The following GPC6 variants were observed in gnomAD, a reference collection of about 807,000 sequenced individuals.
The protein encoded by GPC6 is glypican-6.
In GPC6, 14 loss-of-function variants were observed where a neutral mutation model predicts 55.2. That is an observed-to-expected ratio of 0.25 (90% CI 0.17 to 0.40). The LOEUF (loss-of-function observed/expected upper bound fraction) is 0.40, where lower values mean the gene tolerates loss of function less well. Among genes scored for constraint, GPC6 ranks in the 10% least tolerant of loss-of-function variants. The probability of loss-of-function intolerance (pLI) is 1.00; values close to 1 mark genes in which losing one functional copy is unlikely to be tolerated. For synonymous variants in GPC6, 278 were observed against 259.6 expected (o/e 1.07, Z -0.68); for missense variants, 641 against 708.5 (o/e 0.90, Z 1.08).
intron 6 of GPC6, among the ~76,000 whole-genome samples, chr13:94,324,716 T>TA (rs397703134): frequency 1.4e-4 from 22 of 151,784 alleles, no homozygotes; most frequent in South Asian, 1.0e-3. Flanking sequence ...TTTTTTTTTT[T>TA]AATTTCTGTT....
At chr13:93,439,604 G>A (rs1191635345) in intron 1 of GPC6, among the ~76,000 whole-genome samples, 3 of 151,680 alleles carry the variant, frequency 2.0e-5, no homozygotes, top group African/African-American at 7.3e-5. Flanking sequence ...GGACATTGCA[G>A]TGAGCCAAGA....
rs1487838080 is a variant in GPC6 at position 93,844,745 on chromosome 13, C to T, written c.711+14200C>T. 6.9e-5 allele frequency among the ~76,000 whole-genome samples: 10 copies of T among 145,212 alleles called. No individual in the cohort carries two copies. The Admixed American group carries it at 7.0e-4, about 10-fold the overall frequency. On this transcript the variant is annotated intron_variant, in intron 3 of 8. Transcript: ENST00000377047. ...ACGCCTATGTCCTGAATGGTAATGC[C>T]TAGGTTTTCTTCTAGGGTTTTTATG...
At chr13:93,676,126 AATATATATATATATATATATATATAT>A (rs764101821) in intron 2 of GPC6, among the ~76,000 whole-genome samples, 3 of 15,690 alleles carry the variant, frequency 1.9e-4, no homozygotes, top group Non-Finnish European at 6.4e-4. Context: ...AAAAAAAAAA[AATATATATATATATATATATATATAT>A]ATATATATAT....
intron 2 of GPC6, among the ~76,000 whole-genome samples, chr13:93,794,091 A>G (rs1000184778): frequency 3.3e-5 from 5 of 152,234 alleles, no homozygotes; most frequent in Non-Finnish European, 7.3e-5. Context: ...GCCCAAGACT[A>G]TCAAAAGCTC....
intron 4 of GPC6, among the ~76,000 whole-genome samples, chr13:94,202,598 G>A (rs1029674484): frequency 2.6e-5 from 4 of 152,300 alleles, no homozygotes; most frequent in South Asian, 4.1e-4. Context: ...AACATGTGGC[G>A]ATTATGGGAG....
chr13:94,399,716 CA>C (rs1313070003), intron 8 of GPC6, among the ~76,000 whole-genome samples: 4 of 152,096 alleles, frequency 2.6e-5, no homozygotes, highest in Admixed American at 2.6e-4. Flanking sequence ...TTAAAGAACT[CA>C]AAAAAATGAT....
At chr13:94,122,036 T>C (rs1348099920) in intron 4 of GPC6, among the ~76,000 whole-genome samples, 3 of 152,120 alleles carry the variant, frequency 2.0e-5, no homozygotes, top group Non-Finnish European at 1.5e-5. Context: ...TGGTCTAGTT[T>C]ATGGGGCACC....
In GPC6 at chr13:93,390,025, A is replaced by ATT. The variant is rs201108216; in HGVS notation, c.161-155227_161-155226dup. ...TAACATTATGGAAAGAGAGACAGGC[A>ATT]TTTTTTTTTTTTCTCCACCAGAAGC... On this transcript the variant is annotated intron_variant, in intron 1 of 8. Coordinates refer to ENST00000377047, the MANE Select transcript of GPC6 (RefSeq NM_005708.5). Among the ~76,000 whole-genome samples the ATT allele has an allele frequency of 3.2e-4, 46 of 145,854 alleles. 1 individual carries two copies. Among genetic ancestry groups the ATT allele is most frequent in the East Asian group, 2.4e-3 (12 of 5,006 alleles).
intron 3 of GPC6, among the ~76,000 whole-genome samples, chr13:93,878,475 G>T (rs1057009692): frequency 1.3e-5 from 2 of 151,878 alleles, no homozygotes; most frequent in African/African-American, 4.8e-5. Flanking sequence ...CATCTCCTGG[G>T]TCAAGTGATT....
chr13:94,129,030 A>G (rs1386218334), intron 4 of GPC6, among the ~76,000 whole-genome samples: 1 of 152,190 alleles, frequency 6.6e-6, no homozygotes, highest in Non-Finnish European at 1.5e-5. Flanking sequence ...CTCAGACTAC[A>G]GTGTCTCTGA....
At chr13:93,639,087 TAATAAAAAAAA>T (rs1879808445) in intron 2 of GPC6, among the ~76,000 whole-genome samples, 1 of 150,126 alleles carries the variant, frequency 6.7e-6, no homozygotes, top group Non-Finnish European at 1.5e-5. Flanking sequence ...AACAATGAAA[TAATAAAAAAAA>T]AAGTTTGTCA....
chr13:93,434,624 C>CT (rs776568646), intron 1 of GPC6, among the ~76,000 whole-genome samples: 1 of 152,156 alleles, frequency 6.6e-6, no homozygotes, highest in Non-Finnish European at 1.5e-5. Context: ...GGTGGTAAAA[C>CT]TTACTGGCAT....
At chr13:93,692,043 G>C (rs1882276591) in intron 2 of GPC6, among the ~76,000 whole-genome samples, 1 of 151,998 alleles carries the variant, frequency 6.6e-6, no homozygotes, top group South Asian at 2.1e-4. Context: ...ATTACACTTT[G>C]GGGTTCCACT....
intron 1 of GPC6, chr13:93,450,599 C>T (rs1449593128): frequency 4.9e-6 from 1 of 205,876 alleles, no homozygotes; most frequent in Non-Finnish European, 8.5e-6. Flanking sequence ...TCTGATGCAT[C>T]TGCACTTTGC....
At chr13:93,451,469 T>C (rs1192567009) in intron 1 of GPC6, among the ~76,000 whole-genome samples, 1 of 152,180 alleles carries the variant, frequency 6.6e-6, no homozygotes, top group Non-Finnish European at 1.5e-5. Context: ...GGGAGGGGAA[T>C]GTTTTAAAGA....
At chr13:93,924,592 G>T (rs748340554) in intron 3 of GPC6, among the ~76,000 whole-genome samples, 28 of 151,982 alleles carry the variant, frequency 1.8e-4, no homozygotes, top group Admixed American at 1.7e-3. Flanking sequence ...TTGAATTCAG[G>T]GTTCAGGATA....
intron 4 of GPC6, chr13:94,187,323 A>G (rs1293102244): frequency 6.6e-6 from 1 of 152,222 alleles, no homozygotes; most frequent in Non-Finnish European, 1.5e-5. Flanking sequence ...TCCACTCCTT[A>G]TACATCAAAT....
At chr13:94,345,969 A>G (rs1174257206) in intron 6 of GPC6, among the ~76,000 whole-genome samples, 2 of 152,152 alleles carry the variant, frequency 1.3e-5, no homozygotes, top group Non-Finnish European at 2.9e-5. Flanking sequence ...TTCTAGAACT[A>G]GAAGCTTCTC....
intron 2 of GPC6, among the ~76,000 whole-genome samples, chr13:93,679,814 C>T (rs1234184868): frequency 7.4e-6 from 1 of 135,612 alleles, no homozygotes; most frequent in Non-Finnish European, 1.6e-5. Context: ...ATTTATTGTG[C>T]TAGGTGTTAT....
Sources: gnomAD v4.1 joint callset for allele counts (sites outside exome capture counted in the v4.1 genomes callset) on GRCh38, gnomAD v4.1.1 for gene constraint, MANE v1.5 for transcripts, NCBI Gene and HGNC (gene_info 2026-07-23, HGNC 2026-07-21) for gene names.